Variants in DOCK9 observed in about 807,000 individuals in gnomAD.
DOCK9 encodes dedicator of cytokinesis 9, also known as dedicator of cytokinesis protein 9.
Under a neutral mutation model 263.3 loss-of-function variants are expected in DOCK9, and 89 were observed. That is an observed-to-expected ratio of 0.34 (90% CI 0.28 to 0.40). The LOEUF is 0.40. DOCK9 is among the 10% of genes least tolerant of loss of function. DOCK9 has a pLI of 1.00. For synonymous variants in DOCK9, 976 were observed against 973.1 expected (o/e 1.00, Z -0.06); for missense variants, 2,140 against 2,603.4 (o/e 0.82, Z 3.87).
chr13:98,887,110 G>A (rs2045821955), intron 18 of DOCK9, among the ~76,000 whole-genome samples: 1 of 128,142 alleles, frequency 7.8e-6, no homozygotes, highest in South Asian at 2.9e-4. Flanking sequence ...ATTTCTTGAG[G>A]ACAGATACTA....
intron 37 of DOCK9, chr13:98,846,957 T>C (rs1490208603): frequency 5.2e-5 from 10 of 190,586 alleles, no homozygotes; most frequent in Non-Finnish European, 5.5e-5. Flanking sequence ...TCACATCATC[T>C]CCACTCCTGT....
chr13:98,911,874 C>CTTT (rs368270696), intron 9 of DOCK9, among the ~76,000 whole-genome samples: 1,741 of 142,086 alleles, frequency 0.012, 38 homozygotes, highest in South Asian at 0.056. Flanking sequence ...TAAAAAAACA[C>CTTT]TTTTTTTTTT....
intron 39 of DOCK9, chr13:98,834,243 G>C (rs2092896772): frequency 1.3e-5 from 2 of 152,122 alleles, no homozygotes; most frequent in Admixed American, 1.3e-4. Flanking sequence ...CAAATCTCGG[G>C]TGTCAAAATG....
chr13:99,055,916 T>G lies in DOCK9; in HGVS notation c.129+30307A>C, dbSNP rs112389821. Among the ~76,000 whole-genome samples the G allele has an allele frequency of 2.5e-3, 382 of 152,196 alleles. 1 individual carries two copies. The highest frequency in any genetic ancestry group is 8.5e-3 in the African/African-American group (353 of 41,508). ...CTAGGCCAAAGAATCTGGGATTTTT[T>G]TCAGAAATCAGCCAAGCTTTCCAAA... On this transcript the variant is annotated intron_variant, in intron 1 of 32. Transcript: ENST00000427887.
intron 6 of DOCK9, 90 bp from the exon 7 acceptor site, chr13:98,921,178 TA>T: frequency 7.6e-7 from 1 of 1,316,784 alleles, no homozygotes; most frequent in East Asian, 2.5e-5. Context: ...CATACATACA[TA>T]AAACCTGTTT....
chr13:98,831,466 T>C lies in DOCK9; in HGVS notation c.4517A>G (p.Lys1506Arg). Reference protein sequence around the residue: ...MCAALCYEILKCCNSKLSSIR... With the variant: ...MCAALCYEILRCCNSKLSSIR... ...GGAGCTCAGCTTGGAGTTACAGCAC[T>C]TGAGAATCTCGTAACACAGAGCCGC... is the stretch of plus-strand genomic sequence containing the variant. The change falls in exon 41 of 53, where the codon AAG becomes AGG. Residue 1506 changes from lysine (K) to arginine (R), a missense_variant. Transcript: ENST00000682017. The C allele has an allele frequency of 6.3e-7, 1 of 1,595,718 alleles. No individual in the cohort carries two copies. Among genetic ancestry groups the C allele is most frequent in the South Asian group, 1.1e-5 (1 of 87,668 alleles).
rs545128601 is a variant in DOCK9 at position 98,840,899 on chromosome 13, A to G, written c.4199-3290T>C. On this transcript the variant is annotated intron_variant, in intron 38 of 52. Coordinates refer to ENST00000682017, the MANE Select transcript of DOCK9 (RefSeq NM_001366683.2). ...TGAGAAAATATAAATACCAAATAAC[A>G]AGGAATTTTCTTGCTGAAAGAACTC... 5.3e-5 allele frequency among the ~76,000 whole-genome samples: 8 copies of G among 152,334 alleles called. No individual in the cohort carries two copies. In the South Asian group the frequency reaches 1.7e-3, roughly 32 times the overall value.
At chr13:99,008,170 T>C (rs1050725830) in intron 1 of DOCK9, among the ~76,000 whole-genome samples, 4 of 147,478 alleles carry the variant, frequency 2.7e-5, no homozygotes, top group African/African-American at 7.4e-5. Context: ...CAGATGTTTA[T>C]GATATATTGT....
chr13:99,056,441 A>T (rs934639134), intron 1 of DOCK9, among the ~76,000 whole-genome samples: 1 of 152,226 alleles, frequency 6.6e-6, no homozygotes, highest in Non-Finnish European at 1.5e-5. Context: ...TAATATCTTT[A>T]AAAAAGATAA....
At chr13:99,004,823 T>C (rs113698637) in intron 1 of DOCK9, among the ~76,000 whole-genome samples, 1 of 128,674 alleles carries the variant, frequency 7.8e-6, no homozygotes, top group East Asian at 2.5e-4. Flanking sequence ...ACACACACAG[T>C]CACATGTACT....
chr13:98,904,751 C>T (rs1214350087), intron 9 of DOCK9, 45 bp from the exon 10 acceptor site: 18 of 1,500,484 alleles, frequency 1.2e-5, no homozygotes, highest in Non-Finnish European at 1.6e-5. Context: ...CAATCCTTTT[C>T]TTGCAAAGGT....
At position 98,805,213 on chromosome 13, in the gene DOCK9, T is replaced by G. The variant is rs751350136; in HGVS notation, c.5515-4A>C. ...AATCCAGATCCTTAGGGTTGACCTTTAATTGAAACAGCACAATGGGAGATT... is the reference window on the plus strand; with the variant it reads ...AATCCAGATCCTTAGGGTTGACCTTGAATTGAAACAGCACAATGGGAGATT... On this transcript the variant is annotated splice_polypyrimidine_tract_variant and splice_region_variant and intron_variant, in intron 48 of 52. Coordinates refer to ENST00000682017, the MANE Select transcript of DOCK9 (RefSeq NM_001366683.2). 1 of 1,586,330 alleles carries G rather than the reference T, an allele frequency of 6.3e-7. No individual in the cohort carries two copies. Among genetic ancestry groups the G allele is most frequent in the East Asian group, 2.3e-5 (1 of 44,342 alleles).
intron 2 of DOCK9, among the ~76,000 whole-genome samples, chr13:98,940,289 C>T (rs2055596940): frequency 6.6e-6 from 1 of 152,164 alleles, no homozygotes; most frequent in African/African-American, 2.4e-5. Context: ...AGAAAAGGAG[C>T]AAAGCATAGG....
At chr13:99,082,043 C>T (rs1229675987) in intron 1 of DOCK9, among the ~76,000 whole-genome samples, 4 of 151,976 alleles carry the variant, frequency 2.6e-5, no homozygotes, top group African/African-American at 9.7e-5. Context: ...CAGGGCAAAA[C>T]CCCATCTCTA....
intron 43 of DOCK9, 25 bp from the exon 44 acceptor site, chr13:98,826,912 G>C: frequency 6.3e-7 from 1 of 1,586,864 alleles, no homozygotes; most frequent in South Asian, 1.1e-5. Context: ...ACATGCCTCA[G>C]AATCATCATT....
chr13:98,807,914 A>G, intron 47 of DOCK9, 107 bp from the exon 48 acceptor site: 1 of 916,890 alleles, frequency 1.1e-6, no homozygotes, highest in Admixed American at 3.1e-5. Context: ...TGGGTCTAAA[A>G]ATCCTGCTGA....
intron 25 of DOCK9, among the ~76,000 whole-genome samples, chr13:98,881,264 G>A (rs1317935481): frequency 1.3e-5 from 2 of 151,906 alleles, no homozygotes; most frequent in African/African-American, 4.8e-5. Flanking sequence ...CGTTAGCAGA[G>A]GCCTAGCCAA....
chr13:98,890,957 G>C (rs1277144494), intron 15 of DOCK9, among the ~76,000 whole-genome samples: 1 of 152,160 alleles, frequency 6.6e-6, no homozygotes, highest in Non-Finnish European at 1.5e-5. Flanking sequence ...GGTCAGGAAG[G>C]CAAGTCAATG....
intron 1 of DOCK9, among the ~76,000 whole-genome samples, chr13:98,988,781 C>T (rs1174792414): frequency 3.3e-5 from 5 of 152,212 alleles, no homozygotes; most frequent in East Asian, 3.8e-4. Flanking sequence ...ATAAATGAAG[C>T]TCCTCATGGT....
Sources: allele counts gnomAD v4.1 joint callset (sites outside exome capture counted in the v4.1 genomes callset), GRCh38; gene constraint gnomAD v4.1.1; transcripts MANE v1.5; gene names NCBI Gene and HGNC (gene_info 2026-07-23, HGNC 2026-07-21).